KIF26B: variants seen among roughly 807,000 people sequenced by gnomAD.
The protein encoded by KIF26B is kinesin family member 26B.
In KIF26B, 63 loss-of-function variants were observed where a neutral mutation model predicts 151.2. The observed-to-expected ratio is 0.42, with a 90% CI of 0.34 to 0.51. The LOEUF is 0.51. KIF26B is among the 20% of genes least tolerant of loss of function. The pLI is 0.07. For synonymous variants in KIF26B, 1,357 were observed against 1,262.1 expected (o/e 1.08, Z -1.59); for missense variants, 2,813 against 2,913.6 (o/e 0.97, Z 0.79).
chr1:245,448,109 A>G (rs1429442195), intron 4 of KIF26B, among the ~76,000 whole-genome samples: 3 of 152,276 alleles, frequency 2.0e-5, no homozygotes, highest in Non-Finnish European at 4.4e-5. Flanking sequence ...ATCCATTAGT[A>G]ATGGCCCTTG....
At chr1:245,390,286 C>T (rs189363917) in intron 3 of KIF26B, among the ~76,000 whole-genome samples, 100 of 151,564 alleles carry the variant, frequency 6.6e-4, no homozygotes, top group Non-Finnish European at 1.2e-3. Context: ...GGTGCAGTCT[C>T]GGCTCACTGC....
chr1:245,322,592 C>A (rs915298889), intron 2 of KIF26B, among the ~76,000 whole-genome samples: 5 of 152,044 alleles, frequency 3.3e-5, no homozygotes, highest in Admixed American at 1.3e-4. Context: ...GACAGAAGAA[C>A]AAATGATGCA....
At chr1:245,478,282 A>G (rs1207215577) in intron 4 of KIF26B, among the ~76,000 whole-genome samples, 3 of 151,676 alleles carry the variant, frequency 2.0e-5, no homozygotes, top group African/African-American at 7.2e-5. Flanking sequence ...GTTGTGAGTG[A>G]TGCTGTGATG....
intron 2 of KIF26B, among the ~76,000 whole-genome samples, chr1:245,210,551 T>C (rs1162979932): frequency 6.9e-6 from 1 of 145,258 alleles, no homozygotes; most frequent in East Asian, 2.0e-4. Context: ...TATTGTGGGA[T>C]TTTTTTCCCC....
chr1:245,586,616 G>A (rs895490253), intron 5 of KIF26B, among the ~76,000 whole-genome samples: 5 of 152,010 alleles, frequency 3.3e-5, no homozygotes, highest in African/African-American at 9.7e-5. Flanking sequence ...GGGCGCGGTG[G>A]CTCACGCCTG....
At chr1:245,424,918 C>T (rs1658582822) in intron 4 of KIF26B, among the ~76,000 whole-genome samples, 1 of 150,034 alleles carries the variant, frequency 6.7e-6, no homozygotes, top group African/African-American at 2.5e-5. Context: ...TTCAGAATTT[C>T]AGTACCTTCC....
chr1:245,494,366 A>C (rs74154411), intron 4 of KIF26B, among the ~76,000 whole-genome samples: 10,493 of 152,216 alleles, frequency 0.069, 889 homozygotes, highest in African/African-American at 0.2. Context: ...AAAAGGCGCT[A>C]GGAGATACCC....
intron 9 of KIF26B, among the ~76,000 whole-genome samples, chr1:245,622,406 C>A (rs1457261717): frequency 6.6e-6 from 1 of 152,130 alleles, no homozygotes; most frequent in African/African-American, 2.4e-5. Flanking sequence ...GGCAGATTAG[C>A]CTTAGGACAG....
At position 245,514,729 on chromosome 1, in the gene KIF26B, G is replaced by A. The variant is rs182491315; in HGVS notation, c.1167-26038G>A. ...CTCTAGGAGTCAGTGGAAGAGTGGC[G>A]ATTAGGTAACATCTGAATGTAGTAG... On this transcript the variant is annotated intron_variant, in intron 4 of 14. Transcript: ENST00000407071. Among the ~76,000 whole-genome samples the A allele has an allele frequency of 1.2e-4, 19 of 152,220 alleles. No homozygotes were observed. The East Asian group carries it at 3.3e-3, about 26-fold the overall frequency.
intron 2 of KIF26B, among the ~76,000 whole-genome samples, chr1:245,243,279 G>C (rs573578366): frequency 6.6e-6 from 1 of 152,092 alleles, no homozygotes; most frequent in East Asian, 1.9e-4. Flanking sequence ...GTTTTAACGA[G>C]CATCTCCCTG....
At position 245,699,045 on chromosome 1, in the gene KIF26B, C is replaced by CG; in HGVS notation, c.6178+12dup. 6.2e-7 allele frequency: 1 copy of CG among 1,612,032 alleles called. No individual in the cohort carries two copies. On this transcript the variant is annotated intron_variant, in intron 14 of 14. Coordinates refer to ENST00000407071, the MANE Select transcript of KIF26B (RefSeq NM_018012.4). ...ACAAGTGGCTCAGTGAATGTAAGGCCGGGGTGCCTTCCCACCCTTGTGACT... is the reference window on the plus strand; with the variant it reads ...ACAAGTGGCTCAGTGAATGTAAGGCCGGGGGTGCCTTCCCACCCTTGTGACT...
rs772909497 is a variant in KIF26B, at chr1:245,156,582, G to A, written c.364G>A (p.Gly122Ser). The change falls in exon 2 of 15, where the codon GGC (glycine) becomes AGC (serine). Residue 122 changes from glycine to serine, a missense_variant. Around this residue, in one of 3 missense-constraint regions of KIF26B, gnomAD observed 676 missense variants for 688.1 expected, o/e 0.98. Transcript: ENST00000407071. The part of the protein sequence containing the change: ...GSGSGGGSSP[G>S]SDRGVWCENC... ...CGGCAGCGGCGGCGGCTCCTCCCCC[G>A]GCTCGGACCGCGGCGTCTGGTGCGA... 6 of 1,528,098 alleles carry A rather than the reference G, an allele frequency of 3.9e-6. No individual in the cohort carries two copies. The highest frequency in any genetic ancestry group is 5.2e-6 in the Non-Finnish European group (6 of 1,144,130). 94.7% of individuals were successfully genotyped at this position (1,528,098 alleles called of 1,614,324 possible).
intron 2 of KIF26B, among the ~76,000 whole-genome samples, chr1:245,230,995 A>G (rs1051071066): frequency 9.9e-5 from 15 of 152,150 alleles, no homozygotes; most frequent in Non-Finnish European, 2.2e-4. Context: ...ACAAAAAAAA[A>G]TCATCTCAGG....
At chr1:245,298,638 A>G (rs1158622876) in intron 2 of KIF26B, among the ~76,000 whole-genome samples, 1 of 152,250 alleles carries the variant, frequency 6.6e-6, no homozygotes, top group Non-Finnish European at 1.5e-5. Context: ...AAAAATGGTT[A>G]AATTGATAAC....
intron 10 of KIF26B, 154 bp downstream of exon 10, chr1:245,646,434 A>C: frequency 1.4e-6 from 1 of 729,854 alleles, no homozygotes; most frequent in Non-Finnish European, 2.1e-6. Flanking sequence ...ACAGTTGTGT[A>C]ATGCATGATC....
chr1:245,294,142 G>A (rs1171162474), intron 2 of KIF26B, among the ~76,000 whole-genome samples: 4 of 152,132 alleles, frequency 2.6e-5, no homozygotes, highest in Non-Finnish European at 5.9e-5. Flanking sequence ...TTCATAAAAC[G>A]CTTAGAGGTT....
intron 2 of KIF26B, among the ~76,000 whole-genome samples, chr1:245,250,072 C>T (rs965580683): frequency 7.2e-5 from 11 of 152,112 alleles, no homozygotes; most frequent in Non-Finnish European, 1.5e-4. Flanking sequence ...AGCTTTCATG[C>T]ATATTTAGCA....
intron 9 of KIF26B, among the ~76,000 whole-genome samples, chr1:245,642,659 G>A (rs1477078876): frequency 1.3e-5 from 2 of 152,014 alleles, no homozygotes; most frequent in East Asian, 3.9e-4. Flanking sequence ...TGCATAGACA[G>A]GATAGTTCCC....
intron 4 of KIF26B, among the ~76,000 whole-genome samples, chr1:245,534,194 G>A (rs534478089): frequency 1.3e-4 from 20 of 151,270 alleles, no homozygotes; most frequent in Admixed American, 2.0e-4. Context: ...ACAGAGTCTC[G>A]TGCTGTCCCC....
Sources: allele counts gnomAD v4.1 joint callset (sites outside exome capture counted in the v4.1 genomes callset), GRCh38; gene constraint gnomAD v4.1.1; regional missense constraint gnomAD v4.1.1; transcripts MANE v1.5; gene names NCBI Gene and HGNC (gene_info 2026-07-23, HGNC 2026-07-21).